NR5A2: variants seen among roughly 807,000 people sequenced by gnomAD.
NR5A2 encodes nuclear receptor subfamily 5 group A member 2.
In NR5A2, 26 loss-of-function variants were observed where a neutral mutation model predicts 62.7. The observed-to-expected ratio is 0.41, with a 90% CI of 0.30 to 0.58. NR5A2 has a LOEUF of 0.58. Among genes scored for constraint, NR5A2 ranks in the 20% least tolerant of loss-of-function variants. NR5A2 has a pLI of 0.22. For synonymous variants in NR5A2, 246 were observed against 241.7 expected, an observed-to-expected ratio of 1.02 and a Z score of -0.16; for missense variants, 541 against 669.1, an observed-to-expected ratio of 0.81 and a Z score of 2.11.
At chr1:200,111,013 G>A (rs187563439) in intron 5 of NR5A2, among the ~76,000 whole-genome samples, 189 bp from the exon 6 acceptor site, 113 of 152,152 alleles carry the variant, frequency 7.4e-4, no homozygotes, top group Non-Finnish European at 1.1e-3. Context: ...CTATTTGTCC[G>A]AATGAAAATC....
intron 5 of NR5A2, among the ~76,000 whole-genome samples, chr1:200,089,114 G>A (rs565744815): frequency 5.3e-5 from 8 of 152,228 alleles, no homozygotes; most frequent in East Asian, 1.9e-4. Context: ...ACTTTCTCTC[G>A]CAAACTCCAC....
intron 6 of NR5A2, among the ~76,000 whole-genome samples, chr1:200,115,885 G>C (rs944160162): frequency 6.6e-6 from 1 of 151,778 alleles, no homozygotes; most frequent in African/African-American, 2.4e-5. Context: ...AAACACCATT[G>C]CTTAAAATCC....
At chr1:200,144,233 T>TCTCTCACACACACA (rs1446217306) in intron 7 of NR5A2, among the ~76,000 whole-genome samples, 20 of 80,122 alleles carry the variant, frequency 2.5e-4, no homozygotes, top group African/African-American at 8.4e-4. Context: ...TCTCTCTCTC[T>TCTCTCACACACACA]CACACACACA....
chr1:200,034,307 C>T (rs926520733), intron 1 of NR5A2, among the ~76,000 whole-genome samples: 1 of 152,186 alleles, frequency 6.6e-6, no homozygotes, highest in Non-Finnish European at 1.5e-5. Context: ...CTCAAATTTC[C>T]ATTTCAATTA....
chr1:200,038,552 G>T, intron 1 of NR5A2: 1 of 479,906 alleles, frequency 2.1e-6, no homozygotes, highest in South Asian at 1.6e-5. Context: ...CTTGACCGCA[G>T]ACCAACTCTG....
At position 200,107,454 on chromosome 1, in the gene NR5A2, A is replaced by G. The variant is rs1321696245; in HGVS notation, c.1111-3748A>G. On this transcript the variant is annotated intron_variant, in intron 5 of 7. Transcript: ENST00000367362. ...TATAGGAGATGCCGTGTTAGACACAAAGGAAGACAGGATAATGTGAACAGC... is the reference window on the plus strand; with the variant it reads ...TATAGGAGATGCCGTGTTAGACACAGAGGAAGACAGGATAATGTGAACAGC... 2.6e-5 allele frequency among the ~76,000 whole-genome samples: 4 copies of G among 152,328 alleles called. No homozygotes were observed. In the East Asian group the frequency reaches 7.7e-4, roughly 29 times the overall value.
chr1:200,176,767 A>C lies in NR5A2; in HGVS notation c.*2557A>C, dbSNP rs1341784413. The C allele has an allele frequency of 6.6e-6, 1 of 152,140 alleles. No individual in the cohort carries two copies. The highest frequency in any genetic ancestry group is 1.5e-5 in the Non-Finnish European group (1 of 68,026). The allele number at this position is 152,140 out of a possible 1,614,324, so 9.4% of individuals were successfully genotyped here. ...TTCCTCCTGCCTCAGCCTCCCCCAT[A>C]GCTGGGACTAGGGGTGCATGCCAGC... On this transcript the variant is annotated 3_prime_UTR_variant, in exon 8 of 8. Transcript: ENST00000367362.
intron 5 of NR5A2, among the ~76,000 whole-genome samples, chr1:200,073,051 C>T (rs545388065): frequency 2.0e-5 from 3 of 151,858 alleles, no homozygotes; most frequent in Middle Eastern, 3.4e-3. Flanking sequence ...CGAAAATCAG[C>T]GTTGATTGCT....
intron 7 of NR5A2, among the ~76,000 whole-genome samples, chr1:200,151,148 T>C (rs1653093298): frequency 6.6e-6 from 1 of 152,084 alleles, no homozygotes; most frequent in African/African-American, 2.4e-5. Flanking sequence ...CTTTCACTCA[T>C]CCCACTGGAA....
At chr1:200,115,165 T>C (rs1222382762) in intron 6 of NR5A2, among the ~76,000 whole-genome samples, 1 of 152,214 alleles carries the variant, frequency 6.6e-6, no homozygotes, top group Non-Finnish European at 1.5e-5. Flanking sequence ...CTTAGTGTTA[T>C]GAAATTATTT....
chr1:200,159,858 G>T (rs942319853), intron 7 of NR5A2, among the ~76,000 whole-genome samples: 2 of 152,052 alleles, frequency 1.3e-5, no homozygotes, highest in African/African-American at 2.4e-5. Flanking sequence ...TCACCATGTT[G>T]CCCAAGCTGG....
intron 5 of NR5A2, among the ~76,000 whole-genome samples, chr1:200,096,182 G>A (rs1665089273): frequency 6.6e-6 from 1 of 152,010 alleles, no homozygotes; most frequent in Non-Finnish European, 1.5e-5. Context: ...CTGCCTCTGG[G>A]GTTCAAGTGA....
intron 6 of NR5A2, 26 bp from the exon 7 acceptor site, chr1:200,120,782 C>G: frequency 6.6e-7 from 1 of 1,516,700 alleles, no homozygotes; most frequent in Non-Finnish European, 8.8e-7. Flanking sequence ...TCTGATAGTC[C>G]TTAAAACTGT....
intron 5 of NR5A2, among the ~76,000 whole-genome samples, chr1:200,052,703 G>A (rs1471445409): frequency 6.6e-6 from 1 of 151,224 alleles, no homozygotes; most frequent in Non-Finnish European, 1.5e-5. Context: ...GTGCAGTGGT[G>A]CGATCTTGGC....
chr1:200,154,993 A>G (rs1439725374), intron 7 of NR5A2, among the ~76,000 whole-genome samples: 2 of 152,346 alleles, frequency 1.3e-5, no homozygotes, highest in East Asian at 3.9e-4. Flanking sequence ...ATTTAGGAAT[A>G]TCTATGTTTA....
chr1:200,042,032 G>A (rs1247272646), intron 2 of NR5A2, among the ~76,000 whole-genome samples: 3 of 152,326 alleles, frequency 2.0e-5, no homozygotes, highest in East Asian at 3.9e-4. Flanking sequence ...TCAACGTCTA[G>A]GGGCTATAAA....
At chr1:200,079,622 A>C (rs1484872406) in intron 5 of NR5A2, among the ~76,000 whole-genome samples, 1 of 152,202 alleles carries the variant, frequency 6.6e-6, no homozygotes, top group Admixed American at 6.5e-5. Context: ...CTGCTGATAG[A>C]TGATCCTCTG....
At chr1:200,079,023 A>G (rs1233015371) in intron 5 of NR5A2, among the ~76,000 whole-genome samples, 1 of 152,196 alleles carries the variant, frequency 6.6e-6, no homozygotes. Context: ...TAGCAACTAT[A>G]AGGCATGATC....
intron 1 of NR5A2, chr1:200,029,265 T>C (rs1661461771): frequency 5.2e-6 from 1 of 190,920 alleles, no homozygotes; most frequent in Non-Finnish European, 1.0e-5. Context: ...GCGGGCGGTC[T>C]TGGGCTCCTG....
Sources: gnomAD v4.1 joint callset for allele counts (sites outside exome capture counted in the v4.1 genomes callset) on GRCh38, gnomAD v4.1.1 for gene constraint, MANE v1.5 for transcripts, NCBI Gene and HGNC (gene_info 2026-07-23, HGNC 2026-07-21) for gene names.